Variants in RPS6KA2 observed in about 807,000 individuals in gnomAD.
The protein encoded by RPS6KA2 is ribosomal protein S6 kinase alpha-2.
In RPS6KA2, 42 loss-of-function variants were observed where a neutral mutation model predicts 91.8. The observed-to-expected ratio is 0.46, with a 90% CI of 0.36 to 0.59. RPS6KA2 has a LOEUF of 0.59. Among genes scored for constraint, RPS6KA2 ranks in the 20% least tolerant of loss-of-function variants. The pLI, the probability that RPS6KA2 is intolerant of heterozygous loss-of-function variation, is 0.00. For synonymous variants in RPS6KA2, 414 were observed against 393.6 expected, an observed-to-expected ratio of 1.05 and a Z score of -0.61; for missense variants, 798 against 978.5, an observed-to-expected ratio of 0.82 and a Z score of 2.46.
At chr6:166,538,817 C>T (rs1346984905) in intron 1 of RPS6KA2, 33 bp from the exon 2 acceptor site, 31 of 1,180,382 alleles carry the variant, frequency 2.6e-5, no homozygotes, top group Middle Eastern at 2.0e-4. Flanking sequence ...AGAAACACAC[C>T]GCGAGGAGTC....
intron 2 of RPS6KA2, among the ~76,000 whole-genome samples, chr6:166,650,486 G>A (rs1787818781): frequency 6.6e-6 from 1 of 152,078 alleles, no homozygotes; most frequent in Non-Finnish European, 1.5e-5. Flanking sequence ...TCTTTTCACG[G>A]CCATCACTTT....
At chr6:166,701,781 G>A (rs922985583) in intron 2 of RPS6KA2, 4 of 1,016,644 alleles carry the variant, frequency 3.9e-6, no homozygotes, top group Non-Finnish European at 6.2e-6. Context: ...TTTTCCTAAC[G>A]CTCCCTGATT....
intron 1 of RPS6KA2, among the ~76,000 whole-genome samples, chr6:166,591,189 A>G (rs1785343170): frequency 6.6e-6 from 1 of 152,244 alleles, no homozygotes; most frequent in Non-Finnish European, 1.5e-5. Context: ...CCAGCGTGCA[A>G]GGACTCAGCA....
intron 1 of RPS6KA2, among the ~76,000 whole-genome samples, chr6:166,559,730 T>C (rs1217364450): frequency 6.6e-6 from 1 of 152,202 alleles, no homozygotes; most frequent in African/African-American, 2.4e-5. Flanking sequence ...TGTTTTTATG[T>C]CTGTGTTATT....
At chr6:166,610,427 C>A (rs1786129627) in intron 1 of RPS6KA2, among the ~76,000 whole-genome samples, 1 of 152,150 alleles carries the variant, frequency 6.6e-6, no homozygotes, top group Admixed American at 6.5e-5. Flanking sequence ...AAATCAAGAA[C>A]AAAATTCAAA....
intron 1 of RPS6KA2, among the ~76,000 whole-genome samples, chr6:166,583,071 G>C (rs974653199): frequency 6.6e-6 from 1 of 152,042 alleles, no homozygotes; most frequent in Admixed American, 6.5e-5. Context: ...GCATATACAC[G>C]ATAATTATTT....
At chr6:166,790,049 C>T (rs747228379) in intron 2 of RPS6KA2, among the ~76,000 whole-genome samples, 1 of 151,954 alleles carries the variant, frequency 6.6e-6, no homozygotes, top group Non-Finnish European at 1.5e-5. Context: ...AGGCTTTGGA[C>T]GATCAAACTA....
intron 1 of RPS6KA2, among the ~76,000 whole-genome samples, chr6:166,590,693 A>G (rs991847033): frequency 6.6e-6 from 1 of 152,218 alleles, no homozygotes; most frequent in Admixed American, 6.5e-5. Context: ...CCTTCTTACT[A>G]TCTCTACTCA....
intron 3 of RPS6KA2, among the ~76,000 whole-genome samples, chr6:166,517,781 AGG>A (rs1782710762): frequency 6.6e-6 from 1 of 151,958 alleles, no homozygotes; most frequent in African/African-American, 2.4e-5. Context: ...GGCCCACTTA[AGG>A]CATTCTTAAA....
intron 1 of RPS6KA2, among the ~76,000 whole-genome samples, chr6:166,562,686 T>C (rs1435653878): frequency 1.3e-5 from 2 of 152,196 alleles, no homozygotes; most frequent in African/African-American, 4.8e-5. Context: ...GACAAACCCG[T>C]TACCCATAAC....
At chr6:166,645,913 A>G (rs1787588347) in intron 2 of RPS6KA2, among the ~76,000 whole-genome samples, 7 of 152,254 alleles carry the variant, frequency 4.6e-5, no homozygotes, top group Admixed American at 4.6e-4. Context: ...GGTGAACTAA[A>G]GGATGCAAAG....
chr6:166,490,747 G>A lies in RPS6KA2; in HGVS notation c.748-6C>T, dbSNP rs1781560471. ...GACCCCGTGAGCATCTCAAACTGCAGAGCAACACAGAGCACAGTGAGTTCA... is the reference window on the plus strand; with the variant it reads ...GACCCCGTGAGCATCTCAAACTGCAAAGCAACACAGAGCACAGTGAGTTCA... On this transcript the variant is annotated splice_polypyrimidine_tract_variant and splice_region_variant and intron_variant, in intron 8 of 20. Coordinates refer to ENST00000265678, the MANE Select transcript of RPS6KA2 (RefSeq NM_021135.6). The surrounding 1 kb of genome is among the most constrained non-coding windows in gnomAD (Gnocchi z 4.2). 1.9e-6 allele frequency: 3 copies of A among 1,608,406 alleles called. No homozygotes were observed. Among genetic ancestry groups the A allele is most frequent in the South Asian group, 2.2e-5 (2 of 90,540 alleles).
intron 12 of RPS6KA2, among the ~76,000 whole-genome samples, chr6:166,452,895 A>G (rs1053551616): frequency 6.6e-6 from 1 of 152,156 alleles, no homozygotes; most frequent in African/African-American, 2.4e-5. Context: ...GGGTCTAGCG[A>G]AAGACTTCGA....
At chr6:166,692,327 A>G (rs1257646415) in intron 2 of RPS6KA2, among the ~76,000 whole-genome samples, 1 of 152,102 alleles carries the variant, frequency 6.6e-6, no homozygotes, top group Non-Finnish European at 1.5e-5. Flanking sequence ...ATAAACTAAA[A>G]TCGCCCCCTA....
At chr6:166,691,225 AG>A (rs1789198365) in intron 2 of RPS6KA2, among the ~76,000 whole-genome samples, 1 of 152,176 alleles carries the variant, frequency 6.6e-6, no homozygotes, top group Non-Finnish European at 1.5e-5. Flanking sequence ...GAGTGCTGCC[AG>A]GACTTGACCT....
chr6:166,480,379 C>T (rs1323777794), intron 10 of RPS6KA2, among the ~76,000 whole-genome samples: 1 of 151,020 alleles, frequency 6.6e-6, no homozygotes, highest in Non-Finnish European at 1.5e-5. Flanking sequence ...TTTCAATAGC[C>T]CCTTCGTAAG....
At chr6:166,426,776 C>G (rs1311129719) in intron 16 of RPS6KA2, among the ~76,000 whole-genome samples, 2,944 of 127,686 alleles carry the variant, frequency 0.023, 99 homozygotes, top group African/African-American at 0.085. Context: ...TCTGAATAGA[C>G]CAATAACAGG....
chr6:166,752,477 G>A (rs1218906315), intron 2 of RPS6KA2, among the ~76,000 whole-genome samples: 2 of 152,152 alleles, frequency 1.3e-5, no homozygotes, highest in Non-Finnish European at 2.9e-5. Context: ...TTTATAATTA[G>A]TAAAAATATA....
chr6:166,653,170 C>T (rs1350103768), intron 2 of RPS6KA2, among the ~76,000 whole-genome samples: 1 of 152,250 alleles, frequency 6.6e-6, no homozygotes, highest in Non-Finnish European at 1.5e-5. Flanking sequence ...AAGCAATTCT[C>T]GTGCCTCAGC....
Sources: allele counts gnomAD v4.1 joint callset (sites outside exome capture counted in the v4.1 genomes callset), GRCh38; gene constraint gnomAD v4.1.1; non-coding constraint Gnocchi (gnomAD v3.1); transcripts MANE v1.5; gene names NCBI Gene and HGNC (gene_info 2026-07-23, HGNC 2026-07-21).